The following EPS15L1 variants were observed in gnomAD, a reference collection of about 807,000 sequenced individuals.
The protein encoded by EPS15L1 is epidermal growth factor receptor pathway substrate 15 like 1.
In EPS15L1, 43 loss-of-function variants were observed where a neutral mutation model predicts 117.1. The observed-to-expected ratio is 0.37, with a 90% CI of 0.29 to 0.47. The LOEUF (loss-of-function observed/expected upper bound fraction) is 0.47, where lower values mean the gene tolerates loss of function less well. Ranked by LOEUF, EPS15L1 falls within the 20% of genes least tolerant of loss-of-function variation. The pLI, the probability that EPS15L1 is intolerant of heterozygous loss-of-function variation, is 0.99. For missense variants in EPS15L1, 981 were observed against 1,164.0 expected, an observed-to-expected ratio of 0.84 and a Z score of 2.29; for synonymous variants, 459 against 470.5, an observed-to-expected ratio of 0.98 and a Z score of 0.32.
intron 22 of EPS15L1, among the ~76,000 whole-genome samples, chr19:16,372,228 G>A (rs1011755019): frequency 3.3e-5 from 5 of 152,106 alleles, no homozygotes; most frequent in Non-Finnish European, 7.4e-5. Context: ...ACTCTCCCTC[G>A]AGGAACCTCT....
At chr19:16,440,653 T>C in intron 4 of EPS15L1, 1 of 385,884 alleles carries the variant, frequency 2.6e-6, no homozygotes, top group Non-Finnish European at 4.6e-6. Flanking sequence ...AATAAATAAA[T>C]AAATAAAAGA....
At chr19:16,385,039 G>T in intron 21 of EPS15L1, 90 bp downstream of exon 21, 1 of 1,005,032 alleles carries the variant, frequency 9.9e-7, no homozygotes, top group Non-Finnish European at 1.6e-6. Context: ...ATACATACGT[G>T]ACATGAACAA....
At position 16,389,716 on chromosome 19, in the gene EPS15L1, T is replaced by C. The variant is rs986613161; in HGVS notation, c.2103+2588A>G. On this transcript the variant is annotated intron_variant, in intron 19 of 23. Transcript: ENST00000455140. Reference sequence around the variant, plus strand: ...TGTATTTAGATGTATGAAATTCACATGACGGCTATAACATAAGACATGCTG... The same window carrying C: ...TGTATTTAGATGTATGAAATTCACACGACGGCTATAACATAAGACATGCTG... Among the ~76,000 whole-genome samples, 6 of 152,340 alleles carry C rather than the reference T, an allele frequency of 3.9e-5. No individual in the cohort carries two copies. The East Asian group carries it at 1.2e-3, about 29-fold the overall frequency.
In EPS15L1 at chr19:16,471,912, C is replaced by A; in HGVS notation, c.33+1G>T. The A allele has an allele frequency of 7.7e-7, 1 of 1,303,968 alleles. No homozygotes were observed. Among genetic ancestry groups the A allele is most frequent in the Non-Finnish European group, 9.7e-7 (1 of 1,027,782 alleles). The allele number at this position is 1,303,968 out of a possible 1,614,324, so 80.8% of individuals were successfully genotyped here. Reference sequence around the variant, plus strand: ...CGCCCCCAGGCCCGCCCGGCCCGTACCTGCTGGGAGAGGGGGATGAGCGGC... The same window carrying A: ...CGCCCCCAGGCCCGCCCGGCCCGTAACTGCTGGGAGAGGGGGATGAGCGGC... On this transcript the variant is annotated splice_donor_variant, in intron 1 of 23. Transcript: ENST00000455140. LOFTEE classifies it high-confidence loss of function. This position sits in a 1 kb window ranked among gnomAD's most constrained non-coding sequence, Gnocchi z 4.8.
intron 1 of EPS15L1, among the ~76,000 whole-genome samples, chr19:16,465,194 G>A (rs1288085937): frequency 6.6e-6 from 1 of 152,150 alleles, no homozygotes; most frequent in Non-Finnish European, 1.5e-5. Flanking sequence ...GGTTGGACAA[G>A]CTTGGCCTAC....
intron 23 of EPS15L1, chr19:16,361,539 G>A (rs1350619682): frequency 1.6e-6 from 2 of 1,228,056 alleles, no homozygotes; most frequent in Non-Finnish European, 2.0e-6. Context: ...CCGCCTCCCT[G>A]CTGGAAGAAA....
At chr19:16,361,741 G>A (rs373897585) in intron 23 of EPS15L1, 38 bp downstream of exon 23, 1 of 1,577,260 alleles carries the variant, frequency 6.3e-7, no homozygotes, top group African/African-American at 1.4e-5. Flanking sequence ...GCAAGCGGAA[G>A]GGAGTGGGGT....
chr19:16,450,477 CTTTTTTTTTTT>C (rs768287701), intron 1 of EPS15L1, among the ~76,000 whole-genome samples: 2 of 108,174 alleles, frequency 1.8e-5, no homozygotes, highest in South Asian at 5.8e-4. Flanking sequence ...TGTCCATCTT[CTTTTTTTTTTT>C]TTTTTTTTTT....
chr19:16,437,483 G>T (rs1239162704), intron 5 of EPS15L1, among the ~76,000 whole-genome samples: 2 of 152,292 alleles, frequency 1.3e-5, no homozygotes, highest in Admixed American at 1.3e-4. Context: ...CGACTGGGAG[G>T]GGGAGACAAG....
intron 4 of EPS15L1, among the ~76,000 whole-genome samples, chr19:16,438,115 G>A (rs1273367416): frequency 1.3e-5 from 2 of 152,200 alleles, no homozygotes; most frequent in African/African-American, 4.8e-5. Flanking sequence ...CACTTTGGGA[G>A]ACCGAGGCAG....
At position 16,355,466 on chromosome 19, in the gene EPS15L1, G is replaced by C. The variant is rs1011363735; in HGVS notation, c.*239C>G. On this transcript the variant is annotated 3_prime_UTR_variant, in exon 24 of 24. Transcript: ENST00000455140. ...AGAGCGGGAGGCAGTCAGCCCCGGG[G>C]GGGATGGCACAGTGGAGAGACGGAC... The C allele has an allele frequency of 6.2e-6, 3 of 485,790 alleles. No individual in the cohort carries two copies. The highest frequency in any genetic ancestry group is 7.3e-6 in the Non-Finnish European group (2 of 275,348). The allele number at this position is 485,790 out of a possible 1,614,324, so 30.1% of individuals were successfully genotyped here. A position where few individuals can be genotyped will look rare whatever the true frequency, so the allele number is the denominator to read the frequency against.
intron 10 of EPS15L1, among the ~76,000 whole-genome samples, chr19:16,418,483 G>A (rs1568434610): frequency 6.6e-6 from 1 of 152,250 alleles, no homozygotes; most frequent in African/African-American, 2.4e-5. Context: ...GTGGAAATGG[G>A]TGCTGAGACC....
In EPS15L1 at chr19:16,380,412, G is replaced by A. The variant is rs368934453; in HGVS notation, c.2248-3158C>T. Among the ~76,000 whole-genome samples the A allele has an allele frequency of 1.5e-4, 23 of 152,100 alleles. No individual in the cohort carries two copies. In the East Asian group the frequency reaches 3.7e-3, roughly 24 times the overall value. ...AGTGTCCAGTCATGCAGATGCAGCCGTCTAGGCTTCTAGCGTTTACTCATA... is the reference window on the plus strand; with the variant it reads ...AGTGTCCAGTCATGCAGATGCAGCCATCTAGGCTTCTAGCGTTTACTCATA... On this transcript the variant is annotated intron_variant, in intron 21 of 23. Transcript: ENST00000455140.
rs2093343543 is a variant in EPS15L1, at chr19:16,471,180, G to C, written c.33+733C>G. 6.6e-6 allele frequency among the ~76,000 whole-genome samples: 1 copy of C among 152,216 alleles called. No individual in the cohort carries two copies. The highest frequency in any genetic ancestry group is 1.5e-5 in the Non-Finnish European group (1 of 68,042). On this transcript the variant is annotated intron_variant, in intron 1 of 23. Coordinates refer to ENST00000455140, the MANE Select transcript of EPS15L1 (RefSeq NM_001258374.3). The surrounding 1 kb of genome is among the most constrained non-coding windows in gnomAD (Gnocchi z 4.8). Reference sequence around the variant, plus strand: ...CTAGTTCCCACGAGTGTCACCTCCAGGAAAGCAGCGACCTTGTCTGTCTGG... The same window carrying C: ...CTAGTTCCCACGAGTGTCACCTCCACGAAAGCAGCGACCTTGTCTGTCTGG...
chr19:16,431,220 C>A (rs894741309), intron 7 of EPS15L1, among the ~76,000 whole-genome samples: 2 of 146,416 alleles, frequency 1.4e-5, no homozygotes, highest in Non-Finnish European at 3.0e-5. Context: ...GCCTCGGTGA[C>A]AGCGAGACTT....
chr19:16,402,415 T>C lies in EPS15L1; in HGVS notation c.1697A>G (p.Gln566Arg), dbSNP rs1198836677. The change falls in exon 16 of 24, where the codon CAG (glutamine) becomes CGG (arginine). Residue 566 changes from glutamine to arginine, a missense_variant. Around this residue, in one of 5 missense-constraint regions of EPS15L1, gnomAD observed 819 missense variants for 949.0 expected, o/e 0.86. Transcript: ENST00000455140. ...GGCACCATGGGCTCCATCGAGCACC[T>C]GGTCATACTGCTCCAGGCTCCTGTG... ...EAHRSLEQYDQVLDGAHGASL... is the reference protein window; with the variant it reads ...EAHRSLEQYDRVLDGAHGASL... The C allele has an allele frequency of 2.5e-6, 4 of 1,613,980 alleles. No homozygotes were observed. Among genetic ancestry groups the C allele is most frequent in the South Asian group, 2.2e-5 (2 of 91,072 alleles).
intron 13 of EPS15L1, among the ~76,000 whole-genome samples, chr19:16,410,391 G>A (rs2092696099): frequency 6.6e-6 from 1 of 152,148 alleles, no homozygotes. Flanking sequence ...GTGCAGAGCT[G>A]GCACCCTAGT....
chr19:16,407,303 C>G (rs1352869534), intron 13 of EPS15L1, among the ~76,000 whole-genome samples: 2 of 151,974 alleles, frequency 1.3e-5, no homozygotes, highest in Non-Finnish European at 2.9e-5. Context: ...CTCCCCACTC[C>G]CCAGCATTTT....
chr19:16,386,304 T>A, intron 19 of EPS15L1, 73 bp from the exon 20 acceptor site: 1 of 1,192,524 alleles, frequency 8.4e-7, no homozygotes, highest in Non-Finnish European at 1.2e-6. Flanking sequence ...AACCAGACCT[T>A]CCTGACGTCG....
Sources: allele counts gnomAD v4.1 joint callset (sites outside exome capture counted in the v4.1 genomes callset), GRCh38; gene constraint gnomAD v4.1.1; regional missense constraint gnomAD v4.1.1; non-coding constraint Gnocchi (gnomAD v3.1); transcripts MANE v1.5; gene names NCBI Gene and HGNC (gene_info 2026-07-23, HGNC 2026-07-21).